PFKP: variants seen among roughly 807,000 people sequenced by gnomAD.
The protein encoded by PFKP is ATP-dependent 6-phosphofructokinase, platelet type.
PFKP carries 101 observed loss-of-function variants against 94.3 expected under a neutral mutation model. The ratio of observed to expected loss-of-function variants is 1.07; its 90% confidence interval spans 0.91 to 1.26. The LOEUF is 1.26. Ranked by LOEUF, PFKP falls within the 50% of genes most tolerant of loss-of-function variation. The pLI is 0.00. For missense variants in PFKP, 1,145 were observed against 1,103.3 expected (o/e 1.04, Z -0.53); for synonymous variants, 573 against 432.6 (o/e 1.32, Z -4.03).
intron 16 of PFKP, chr10:3,125,258 A>G: frequency 2.3e-6 from 3 of 1,294,158 alleles, no homozygotes; most frequent in Non-Finnish European, 3.0e-6. Flanking sequence ...AGGTAAGAGA[A>G]CCCCGTTTCC....
chr10:3,094,744 G>A (rs1156644122), intron 2 of PFKP, among the ~76,000 whole-genome samples: 1 of 152,202 alleles, frequency 6.6e-6, no homozygotes, highest in East Asian at 1.9e-4. Flanking sequence ...TAAGCCTAGA[G>A]AGCCGTTCAG....
chr10:3,111,321 T>G (rs1390107820), intron 10 of PFKP, among the ~76,000 whole-genome samples: 1 of 152,126 alleles, frequency 6.6e-6, no homozygotes. Flanking sequence ...TGCATATGTG[T>G]GTATGTTGGA....
In PFKP at chr10:3,109,490, C is replaced by G; in HGVS notation, c.1089+10C>G. 1 of 1,601,704 alleles carries G rather than the reference C, an allele frequency of 6.2e-7. No homozygotes were observed. Among genetic ancestry groups the G allele is most frequent in the Non-Finnish European group, 8.5e-7 (1 of 1,179,390 alleles). The stretch of plus-strand genomic sequence containing the variant: ...GGAGTGCGTGCAGATGGTGAGTGGG[C>G]AGCCCATGGCCAAGGGCAGGGCGGA... On this transcript the variant is annotated intron_variant, in intron 10 of 21. Coordinates refer to ENST00000381125, the MANE Select transcript of PFKP (RefSeq NM_002627.5).
intron 2 of PFKP, among the ~76,000 whole-genome samples, chr10:3,094,383 C>T (rs913520881): frequency 6.6e-5 from 10 of 152,218 alleles, no homozygotes; most frequent in Non-Finnish European, 1.5e-4. Flanking sequence ...GATGGTGTGT[C>T]GTGTGCTAAC....
At chr10:3,128,207 T>TG (rs1486872287) in intron 16 of PFKP, among the ~76,000 whole-genome samples, 1 of 152,136 alleles carries the variant, frequency 6.6e-6, no homozygotes, top group Non-Finnish European at 1.5e-5. Flanking sequence ...GGTGCACTGG[T>TG]GTAAGCCCAG....
intron 16 of PFKP, among the ~76,000 whole-genome samples, chr10:3,123,529 C>A (rs1467978612): frequency 6.6e-6 from 1 of 152,176 alleles, no homozygotes; most frequent in Non-Finnish European, 1.5e-5. Context: ...AGACCCCCAC[C>A]TGCCCTCCTG....
At chr10:3,133,119 C>G in intron 18 of PFKP, 84 bp from the exon 19 acceptor site, 1 of 939,640 alleles carries the variant, frequency 1.1e-6, no homozygotes, top group Non-Finnish European at 1.8e-6. Context: ...TGCGGGAGTC[C>G]AGCCTCCCAG....
chr10:3,073,554 C>CA (rs1349604242), intron 1 of PFKP, among the ~76,000 whole-genome samples: 2 of 151,890 alleles, frequency 1.3e-5, no homozygotes, highest in African/African-American at 4.8e-5. Flanking sequence ...TCGGGCAGAT[C>CA]AGCTTCTCCA....
chr10:3,119,497 C>G (rs1045095071), intron 15 of PFKP, among the ~76,000 whole-genome samples: 1 of 151,902 alleles, frequency 6.6e-6, no homozygotes, highest in African/African-American at 2.4e-5. Context: ...CCCAGCTACC[C>G]GGGAGGCTGA....
At chr10:3,132,744 T>C (rs1838740553) in intron 18 of PFKP, among the ~76,000 whole-genome samples, 1 of 152,174 alleles carries the variant, frequency 6.6e-6, no homozygotes, top group South Asian at 2.1e-4. Flanking sequence ...CCTCAGGGAC[T>C]GTGTCCCAAG....
At position 3,105,499 on chromosome 10, in the gene PFKP, G is replaced by A; in HGVS notation, c.772G>A (p.Glu258Lys). 1.2e-6 allele frequency: 2 copies of A among 1,605,176 alleles called. No individual in the cohort carries two copies. The highest frequency in any genetic ancestry group is 1.1e-5 in the South Asian group (1 of 90,926). Residue 258 changes from glutamate (E) to lysine (K), a missense_variant and splice_region_variant, in exon 7 of 22, where the codon GAG becomes AAG. Glu to Lys is a moderately conservative substitution (Grantham distance 56). Transcript: ENST00000381125. ...GGAGCAGATGTGTGTCAAACTCTCG[G>A]AGGTAATGCGGGTCCCGTGGCCGTT... ...WEEQMCVKLSENRARKKRLNI... is the reference protein window; with the variant it reads ...WEEQMCVKLSKNRARKKRLNI...
chr10:3,120,131 A>G, intron 16 of PFKP, 87 bp downstream of exon 16: 3 of 1,059,500 alleles, frequency 2.8e-6, no homozygotes, highest in African/African-American at 1.6e-5. Context: ...TGCGCTAGAA[A>G]TAGCCTTTTA....
Position 3,119,942 on chromosome 10 carries a change from GT to G in PFKP, c.1583del (p.Phe528SerfsTer29). On this transcript the variant is annotated frameshift_variant, in exon 16 of 22. Transcript: ENST00000381125. LOFTEE classifies it high-confidence loss of function. ...LSAAREKHEE[F>X]CVPMVMVPAT... ...CAGCCGCCCGGGAGAAGCACGAGGA[GT>G]TCTGTGTCCCCATGGTCATGGTTCC... 1 of 1,614,186 alleles carries G rather than the reference GT, an allele frequency of 6.2e-7. No individual in the cohort carries two copies. Among genetic ancestry groups the G allele is most frequent in the Non-Finnish European group, 8.5e-7 (1 of 1,180,022 alleles).
intron 10 of PFKP, among the ~76,000 whole-genome samples, chr10:3,111,350 C>G (rs1024703671): frequency 4.6e-5 from 7 of 151,874 alleles, no homozygotes; most frequent in South Asian, 2.1e-4. Flanking sequence ...TAGTGTGTGT[C>G]TGCACGTTAG....
chr10:3,097,164 TTATG>T (rs1227843810), intron 2 of PFKP, among the ~76,000 whole-genome samples: 1 of 151,170 alleles, frequency 6.6e-6, no homozygotes. Context: ...ATCTCTTTAT[TTATG>T]TATCCACCCA....
chr10:3,112,223 C>T lies in PFKP; in HGVS notation c.1091C>T (p.Thr364Ile). The part of the protein sequence containing the change: ...RLPLMECVQM[T>I]QDVQKAMDER... ...TTCTTTTCATCATTGTTTTAAAAGA[C>T]TCAGGATGTGCAGAAGGCGATGGAC... is the stretch of plus-strand genomic sequence containing the variant. Residue 364 changes from threonine (T) to isoleucine (I), a missense_variant and splice_region_variant, in exon 11 of 22, where the codon ACT becomes ATT. Around this residue, in one of 3 missense-constraint regions of PFKP, gnomAD observed 1,119 missense variants for 1,062.8 expected, o/e 1.05. Coordinates refer to ENST00000381125, the MANE Select transcript of PFKP (RefSeq NM_002627.5). The T allele has an allele frequency of 1.9e-6, 3 of 1,612,118 alleles. No homozygotes were observed. Among genetic ancestry groups the T allele is most frequent in the South Asian group, 1.1e-5 (1 of 91,048 alleles).
In PFKP at chr10:3,129,941, C is replaced by T. The variant is rs139440009; in HGVS notation, c.1806C>T (p.Ala602=). 3.7e-5 allele frequency: 60 copies of T among 1,604,634 alleles called. 1 individual carries two copies. The highest frequency in any genetic ancestry group is 1.7e-4 in the Middle Eastern group (1 of 6,010). ...GGGGGCTCGCGGCCGGAGCTGATGC[C>T]GCATACATTTTCGAAGAGCCCTTCG... ...NMGGLAAGAD[A]AYIFEEPFDI... Residue 602 remains alanine (A), a synonymous_variant, in exon 17 of 22, where the codon GCC becomes GCT. Coordinates refer to ENST00000381125, the MANE Select transcript of PFKP (RefSeq NM_002627.5).
At chr10:3,118,424 C>T (rs9423461) in intron 14 of PFKP, among the ~76,000 whole-genome samples, 23,596 of 151,968 alleles carry the variant, frequency 0.16, 2,142 homozygotes, top group East Asian at 0.37. Context: ...GCTGAGATTA[C>T]GCCACTACAC....
chr10:3,134,451 C>A, intron 19 of PFKP, 32 bp from the exon 20 acceptor site: 2 of 1,210,488 alleles, frequency 1.7e-6, no homozygotes, highest in Non-Finnish European at 2.5e-6. Context: ...TACTGTATAA[C>A]TGGTATTTCA....
Sources: allele counts gnomAD v4.1 joint callset (sites outside exome capture counted in the v4.1 genomes callset), GRCh38; gene constraint gnomAD v4.1.1; regional missense constraint gnomAD v4.1.1; transcripts MANE v1.5; gene names NCBI Gene and HGNC (gene_info 2026-07-23, HGNC 2026-07-21).